Variants in HMCN1 observed in about 807,000 individuals in gnomAD.
HMCN1 encodes the protein hemicentin-1.
Under a neutral mutation model 625.9 loss-of-function variants are expected in HMCN1, and 321 were observed. The observed-to-expected ratio is 0.51, with a 90% confidence interval of 0.47 to 0.56. The LOEUF is 0.56. HMCN1 is among the 20% of genes least tolerant of loss of function. The pLI is 0.00. For synonymous variants in HMCN1, 2,425 were observed against 2,417.6 expected (o/e 1.00, Z -0.09); for missense variants, 6,588 against 6,887.3 (o/e 0.96, Z 1.54).
intron 100 of HMCN1, 111 bp downstream of exon 100, chr1:186,167,053 A>G: frequency 2.2e-6 from 3 of 1,351,312 alleles, no homozygotes; most frequent in Non-Finnish European, 3.2e-6. Flanking sequence ...GGGACCACAT[A>G]AAAGGGAGAG....
At chr1:185,879,377 G>T (rs1664152706) in intron 4 of HMCN1, among the ~76,000 whole-genome samples, 1 of 152,008 alleles carries the variant, frequency 6.6e-6, no homozygotes, top group South Asian at 2.1e-4. Flanking sequence ...TTTCTATGTT[G>T]CCCAGGCTGG....
intron 11 of HMCN1, among the ~76,000 whole-genome samples, chr1:185,953,329 G>C (rs184518873): frequency 6.6e-6 from 1 of 151,956 alleles, no homozygotes; most frequent in Non-Finnish European, 1.5e-5. Flanking sequence ...ACCAAGGCAG[G>C]CGTCCCTGCA....
At chr1:185,987,742 G>A (rs766067961) in intron 20 of HMCN1, among the ~76,000 whole-genome samples, 198 bp downstream of exon 20, 1 of 152,080 alleles carries the variant, frequency 6.6e-6, no homozygotes, top group African/African-American at 2.4e-5. Flanking sequence ...AGGCTCCCTC[G>A]GAGGGACAGG....
chr1:185,797,301 G>GT (rs1225750595), intron 1 of HMCN1, among the ~76,000 whole-genome samples: 1 of 151,706 alleles, frequency 6.6e-6, no homozygotes, highest in Non-Finnish European at 1.5e-5. Flanking sequence ...TTGTCTCTTT[G>GT]TTTTTTGGTT....
intron 34 of HMCN1, 105 bp from the exon 35 acceptor site, chr1:186,019,435 CT>C (rs11290212): frequency 0.51 from 357,005 of 699,812 alleles, 76,172 homozygotes; most frequent in African/African-American, 0.65. Flanking sequence ...TAGGGATTTG[CT>C]TTTTTTTTTT....
At chr1:186,162,988 TG>T (rs1558272211) in intron 97 of HMCN1, among the ~76,000 whole-genome samples, 2 of 152,238 alleles carry the variant, frequency 1.3e-5, no homozygotes, top group Non-Finnish European at 2.9e-5. Context: ...TCTTTTTGTT[TG>T]TCTGTGCCCT....
At chr1:185,770,811 A>G (rs565497575) in intron 1 of HMCN1, among the ~76,000 whole-genome samples, 1 of 152,350 alleles carries the variant, frequency 6.6e-6, no homozygotes, top group East Asian at 1.9e-4. Context: ...GGCAGGAAAC[A>G]AAAATAAAAT....
At chr1:186,051,232 G>C (rs1428699848) in intron 42 of HMCN1, among the ~76,000 whole-genome samples, 2 of 152,202 alleles carry the variant, frequency 1.3e-5, no homozygotes, top group East Asian at 3.9e-4. Context: ...AGGACCGGAT[G>C]CTCAGGTCTG....
intron 19 of HMCN1, among the ~76,000 whole-genome samples, chr1:185,986,501 A>G (rs2102015625): frequency 6.6e-6 from 1 of 152,222 alleles, no homozygotes; most frequent in Non-Finnish European, 1.5e-5. Flanking sequence ...CAAAATCACC[A>G]CTATTTTGAG....
rs187975935 is a variant in HMCN1 at position 185,783,506 on chromosome 1, C to T, written c.268+48459C>T. 2.4e-3 allele frequency among the ~76,000 whole-genome samples: 370 copies of T among 152,162 alleles called. 4 individuals are homozygous for T. The highest frequency in any genetic ancestry group is 6.8e-3 in the Middle Eastern group (2 of 294). On this transcript the variant is annotated intron_variant, in intron 1 of 106. Transcript: ENST00000271588. ...TACCTTTGGTCTTTGATGATGGTGA[C>T]GTACGGATGGGGTTTTGGTGTGGAT...
chr1:185,872,548 G>C (rs184586844), intron 4 of HMCN1, among the ~76,000 whole-genome samples: 6 of 152,040 alleles, frequency 3.9e-5, no homozygotes, highest in Non-Finnish European at 5.9e-5. Context: ...ACAAATGTTG[G>C]GGGGAGAGGA....
At chr1:186,171,255 C>A (rs1262724624) in intron 100 of HMCN1, 82 bp from the exon 101 acceptor site, 3 of 1,003,196 alleles carry the variant, frequency 3.0e-6, no homozygotes, top group Non-Finnish European at 4.8e-6. Flanking sequence ...TGGTAATGAT[C>A]AAGATCATTA....
intron 35 of HMCN1, 121 bp downstream of exon 35, chr1:186,019,816 A>T (rs1419641040): frequency 9.5e-6 from 7 of 737,316 alleles, no homozygotes; most frequent in Non-Finnish European, 1.5e-5. Context: ...AAAATTTATT[A>T]AAAATAATAT....
chr1:185,956,191 T>C (rs896404975), intron 11 of HMCN1, among the ~76,000 whole-genome samples: 4 of 152,188 alleles, frequency 2.6e-5, no homozygotes, highest in African/African-American at 4.8e-5. Flanking sequence ...ACATCAGATA[T>C]GTGGGATTTT....
intron 80 of HMCN1, among the ~76,000 whole-genome samples, chr1:186,120,517 C>T (rs1661351747): frequency 6.6e-6 from 1 of 152,166 alleles, no homozygotes; most frequent in Non-Finnish European, 1.5e-5. Flanking sequence ...ATCATAATCG[C>T]AGTTAAACCA....
chr1:185,968,874 C>A (rs1650607016), intron 14 of HMCN1, among the ~76,000 whole-genome samples: 1 of 152,042 alleles, frequency 6.6e-6, no homozygotes, highest in South Asian at 2.1e-4. Context: ...TGATGAGTAA[C>A]TTTTCAGTAG....
chr1:185,859,974 T>C (rs892587195), intron 2 of HMCN1, among the ~76,000 whole-genome samples: 7 of 152,112 alleles, frequency 4.6e-5, no homozygotes, highest in East Asian at 1.9e-4. Flanking sequence ...CCCAGCCTCA[T>C]AGATCATTTT....
At chr1:186,150,406 A>G (rs572667021) in intron 93 of HMCN1, among the ~76,000 whole-genome samples, 36 of 152,328 alleles carry the variant, frequency 2.4e-4, no homozygotes, top group African/African-American at 8.4e-4. Flanking sequence ...GAAGGCATAA[A>G]ATTAATGTTG....
At chr1:185,945,790 G>A (rs1010390636) in intron 11 of HMCN1, among the ~76,000 whole-genome samples, 1 of 152,288 alleles carries the variant, frequency 6.6e-6, no homozygotes, top group Admixed American at 6.5e-5. Context: ...TGCTAAGAGT[G>A]GAGGACCCAG....
Sources: allele counts gnomAD v4.1 joint callset (sites outside exome capture counted in the v4.1 genomes callset), GRCh38; gene constraint gnomAD v4.1.1; transcripts MANE v1.5; gene names NCBI Gene and HGNC (gene_info 2026-07-23, HGNC 2026-07-21).